Variants in RAD51B observed in about 807,000 individuals in gnomAD.
The protein encoded by RAD51B is RAD51 paralog B.
In RAD51B, 38 loss-of-function variants were observed where a neutral mutation model predicts 42.2. That is an observed-to-expected ratio of 0.90 (90% CI 0.70 to 1.18). The LOEUF (loss-of-function observed/expected upper bound fraction) is 1.18, where lower values mean the gene tolerates loss of function less well. Among genes scored for constraint, RAD51B ranks in the 50% most tolerant of loss-of-function variants. RAD51B has a pLI of 0.00. For missense variants in RAD51B, 373 were observed against 400.7 expected (o/e 0.93, Z 0.59); for synonymous variants, 154 against 145.2 (o/e 1.06, Z -0.43).
chr14:68,235,103 A>T (rs1314931405), intron 7 of RAD51B, among the ~76,000 whole-genome samples: 1 of 152,080 alleles, frequency 6.6e-6, no homozygotes, highest in Non-Finnish European at 1.5e-5. Flanking sequence ...AACCACTAAC[A>T]TAGTCATTTA....
intron 10 of RAD51B, among the ~76,000 whole-genome samples, chr14:68,609,420 C>A (rs930018438): frequency 1.3e-5 from 2 of 152,104 alleles, no homozygotes; most frequent in Non-Finnish European, 2.9e-5. Flanking sequence ...TCCCACAGGG[C>A]CCCTGGAGTC....
chr14:68,009,024 T>A (rs560811926), intron 7 of RAD51B, among the ~76,000 whole-genome samples: 116 of 152,098 alleles, frequency 7.6e-4, no homozygotes, highest in African/African-American at 2.7e-3. Context: ...TGATACATTT[T>A]TAAAAAACTA....
At chr14:68,062,835 A>G (rs921649498) in intron 7 of RAD51B, among the ~76,000 whole-genome samples, 3 of 151,452 alleles carry the variant, frequency 2.0e-5, no homozygotes, top group Admixed American at 6.6e-5. Flanking sequence ...AAAAAAAGAA[A>G]AAAAAAAAAG....
chr14:68,502,017 C>T (rs1014833313), intron 10 of RAD51B, among the ~76,000 whole-genome samples: 2 of 152,198 alleles, frequency 1.3e-5, no homozygotes, highest in Non-Finnish European at 2.9e-5. Context: ...CTGGCTGCCA[C>T]AGCCCGGTCA....
chr14:68,617,538 T>C (rs573065714), intron 10 of RAD51B, among the ~76,000 whole-genome samples: 1 of 152,188 alleles, frequency 6.6e-6, no homozygotes, highest in Non-Finnish European at 1.5e-5. Context: ...TCTGGAGCTT[T>C]TTTTACATGG....
At chr14:68,433,207 A>T (rs935195142) in intron 9 of RAD51B, among the ~76,000 whole-genome samples, 1 of 152,124 alleles carries the variant, frequency 6.6e-6, no homozygotes, top group African/African-American at 2.4e-5. Context: ...AACTTTGGTG[A>T]ATCTGACAAT....
intron 8 of RAD51B, among the ~76,000 whole-genome samples, chr14:68,326,429 A>G (rs1334042086): frequency 6.6e-6 from 1 of 152,160 alleles, no homozygotes; most frequent in Non-Finnish European, 1.5e-5. Context: ...TCACAGTGCT[A>G]TTTGCCCCAC....
chr14:68,238,151 G>C (rs2080305608), intron 7 of RAD51B, among the ~76,000 whole-genome samples: 1 of 152,096 alleles, frequency 6.6e-6, no homozygotes, highest in Non-Finnish European at 1.5e-5. Context: ...TCAATATATT[G>C]AGGGTTCTAG....
rs939500214 is a variant in RAD51B at position 68,423,717 on chromosome 14, C to A, written c.957+12190C>A. Among the ~76,000 whole-genome samples, 3 of 152,064 alleles carry A rather than the reference C, an allele frequency of 2.0e-5. No individual in the cohort carries two copies. The East Asian group carries it at 5.8e-4, about 29-fold the overall frequency. On this transcript the variant is annotated intron_variant, in intron 9 of 10. Coordinates refer to ENST00000471583, the MANE Select transcript of RAD51B (RefSeq NM_133510.4). ...ATTGCAGAACAATTTTTTTTCAACC[C>A]CTGTGGTGTGGTCACCTTCAATACT...
At chr14:68,388,714 C>G (rs527356580) in intron 8 of RAD51B, among the ~76,000 whole-genome samples, 42 of 152,326 alleles carry the variant, frequency 2.8e-4, no homozygotes, top group African/African-American at 9.6e-4. Flanking sequence ...TCCCTGCCCT[C>G]ACAGAGCTTC....
chr14:68,487,286 G>C (rs923580757), intron 10 of RAD51B, among the ~76,000 whole-genome samples: 10 of 152,252 alleles, frequency 6.6e-5, no homozygotes, highest in African/African-American at 2.4e-4. Context: ...GGCTTGTTCT[G>C]TGTGTGTGAG....
intron 9 of RAD51B, chr14:68,422,063 C>A: frequency 6.5e-7 from 1 of 1,530,418 alleles, no homozygotes; most frequent in Non-Finnish European, 9.1e-7. Context: ...ATAACCAAAT[C>A]CTTTCTCTCC....
chr14:67,920,009 T>G (rs1241779894), intron 7 of RAD51B, among the ~76,000 whole-genome samples: 2 of 152,212 alleles, frequency 1.3e-5, no homozygotes, highest in Non-Finnish European at 2.9e-5. Flanking sequence ...GTTATCCATT[T>G]ATTGTAGTTT....
chr14:68,261,408 C>T (rs1046546125), intron 7 of RAD51B, among the ~76,000 whole-genome samples: 3 of 152,080 alleles, frequency 2.0e-5, no homozygotes, highest in Non-Finnish European at 4.4e-5. Flanking sequence ...TAGAAGTGTG[C>T]GAAAAGACTG....
intron 7 of RAD51B, among the ~76,000 whole-genome samples, chr14:67,897,598 C>T (rs2043465154): frequency 6.6e-6 from 1 of 150,656 alleles, no homozygotes. Flanking sequence ...TTTAAAAACC[C>T]ACAAAAGATA....
At chr14:68,654,298 GCA>G (rs2140140824) in intron 11 of RAD51B, among the ~76,000 whole-genome samples, 1 of 152,370 alleles carries the variant, frequency 6.6e-6, no homozygotes, top group South Asian at 2.1e-4. Flanking sequence ...TATCCCAGAA[GCA>G]TTCTGGAGTT....
intron 7 of RAD51B, among the ~76,000 whole-genome samples, chr14:68,123,288 CATG>C (rs934736852): frequency 2.0e-5 from 3 of 150,414 alleles, no homozygotes; most frequent in African/African-American, 7.4e-5. Flanking sequence ...CTCAGGCTCA[CATG>C]ATCCTCCCAC....
At chr14:68,395,094 A>T (rs562259571) in intron 8 of RAD51B, among the ~76,000 whole-genome samples, 1 of 152,084 alleles carries the variant, frequency 6.6e-6, no homozygotes, top group Non-Finnish European at 1.5e-5. Flanking sequence ...CTCCACGGCC[A>T]TCTGTTCCCT....
At chr14:68,304,473 T>C (rs1382186691) in intron 8 of RAD51B, among the ~76,000 whole-genome samples, 3 of 152,240 alleles carry the variant, frequency 2.0e-5, no homozygotes, top group Non-Finnish European at 2.9e-5. Context: ...AAGATGATCA[T>C]ACAACTACCT....
Sources: gnomAD v4.1 joint callset for allele counts (sites outside exome capture counted in the v4.1 genomes callset) on GRCh38, gnomAD v4.1.1 for gene constraint, MANE v1.5 for transcripts, NCBI Gene and HGNC (gene_info 2026-07-23, HGNC 2026-07-21) for gene names.